Variants in PRR14 observed in about 807,000 individuals in gnomAD.
PRR14 encodes proline rich 14, also known as proline-rich protein 14.
Under a neutral mutation model 57.2 loss-of-function variants are expected in PRR14, and 33 were observed. The observed-to-expected ratio is 0.58, with a 90% CI of 0.44 to 0.77. PRR14 has a LOEUF of 0.77. PRR14 is among the 30% of genes least tolerant of loss of function. The probability of loss-of-function intolerance (pLI) is 0.00; values close to 1 mark genes in which losing one functional copy is unlikely to be tolerated. For missense variants in PRR14, 716 were observed against 788.1 expected (o/e 0.91, Z 1.10); for synonymous variants, 303 against 314.7 (o/e 0.96, Z 0.39).
At position 30,652,941 on chromosome 16, in the gene PRR14, C is replaced by A. The variant is rs759033419; in HGVS notation, c.342C>A (p.Arg114=). 4 of 1,614,020 alleles carry A rather than the reference C, an allele frequency of 2.5e-6. No homozygotes were observed. Among genetic ancestry groups the A allele is most frequent in the East Asian group, 4.5e-5 (2 of 44,886 alleles). ...ARPPDPLCLC[R]EPLSRIHRTS... Reference sequence around the variant, plus strand: ...CTCCCGACCCTCTGTGTTTGTGTCGCGAGCCCTTGAGCCGCATCCACCGGA... The same window carrying A: ...CTCCCGACCCTCTGTGTTTGTGTCGAGAGCCCTTGAGCCGCATCCACCGGA... Residue 114 remains arginine (R), a synonymous_variant, in exon 5 of 12, where the codon CGC becomes CGA. Coordinates refer to ENST00000300835, the MANE Select transcript of PRR14 (RefSeq NM_024031.5).
chr16:30,651,663 C>T lies in PRR14; in HGVS notation c.18C>T (p.Asp6=). The change falls in exon 2 of 12, where the codon GAC becomes GAT. Residue 6 remains aspartate, a synonymous_variant. Coordinates refer to ENST00000300835, the MANE Select transcript of PRR14 (RefSeq NM_024031.5). This position sits in a 1 kb window ranked among gnomAD's most constrained non-coding sequence, Gnocchi z 5.0. ...CGTCTCCCATGGACTTGCCCGGGGA[C>T]TCCAGGTGAGAGCGTACCCGGGCGG... MDLPG[D]SSPPGQPRLC... 6.2e-7 allele frequency: 1 copy of T among 1,611,228 alleles called. No homozygotes were observed. Among genetic ancestry groups the T allele is most frequent in the Non-Finnish European group, 8.5e-7 (1 of 1,179,294 alleles).
Position 30,651,409 on chromosome 16 carries a change from T to G in PRR14, c.-50-187T>G. The G allele has an allele frequency of 2.1e-6, 1 of 477,278 alleles. No homozygotes were observed. The highest frequency in any genetic ancestry group is 3.7e-6 in the Non-Finnish European group (1 of 270,968). 29.6% of individuals were successfully genotyped at this position (477,278 alleles called of 1,614,324 possible). A position where few individuals can be genotyped will look rare whatever the true frequency, so the allele number is the denominator to read the frequency against. ...CGGCAGGTGCCAGGCAGGGCGCGAG[T>G]GATCCGCTGATCGAGGCGGTGGCAG... On this transcript the variant is annotated intron_variant, in intron 1 of 11. Coordinates refer to ENST00000300835, the MANE Select transcript of PRR14 (RefSeq NM_024031.5). The surrounding 1 kb of genome is among the most constrained non-coding windows in gnomAD (Gnocchi z 5.0).
chr16:30,652,164 A>C, intron 3 of PRR14, 200 bp downstream of exon 3: 2 of 637,388 alleles, frequency 3.1e-6, no homozygotes, highest in Non-Finnish European at 5.5e-6. Context: ...CATTCCACCC[A>C]CCAACGATTT....
At chr16:30,656,006 C>G (rs770609103) in intron 11 of PRR14, 26 bp from the exon 12 acceptor site, 2 of 1,592,880 alleles carry the variant, frequency 1.3e-6, no homozygotes, top group South Asian at 2.3e-5. Flanking sequence ...CCTGATAAAA[C>G]CAGCTCCTCT....
intron 6 of PRR14, 106 bp from the exon 7 acceptor site, chr16:30,654,124 G>C (rs1219030612): frequency 2.6e-6 from 2 of 761,370 alleles, no homozygotes; most frequent in Non-Finnish European, 4.4e-6. Flanking sequence ...GCAAGGCTCT[G>C]TCTCAAAAAA....
chr16:30,655,490 C>T lies in PRR14; in HGVS notation c.1315-12C>T, dbSNP rs2052361040. 6.2e-7 allele frequency: 1 copy of T among 1,614,124 alleles called. No individual in the cohort carries two copies. The highest frequency in any genetic ancestry group is 8.5e-7 in the Non-Finnish European group (1 of 1,179,932). On this transcript the variant is annotated splice_polypyrimidine_tract_variant and intron_variant, in intron 9 of 11. Coordinates refer to ENST00000300835, the MANE Select transcript of PRR14 (RefSeq NM_024031.5). The surrounding 1 kb of genome is among the most constrained non-coding windows in gnomAD (Gnocchi z 4.6). ...CCATGTCACTCTTTCACCCTCTGCCCCATTTTTGCAGACCATGGGAAAGGT... is the reference window on the plus strand; with the variant it reads ...CCATGTCACTCTTTCACCCTCTGCCTCATTTTTGCAGACCATGGGAAAGGT...
intron 7 of PRR14, 72 bp downstream of exon 7, chr16:30,654,411 G>A: frequency 7.5e-7 from 1 of 1,332,342 alleles, no homozygotes; most frequent in Non-Finnish European, 1.1e-6. Context: ...GAAGTGTCAG[G>A]TACAGAGTTG....
In PRR14 at chr16:30,655,086, C is replaced by G. The variant is rs559944530; in HGVS notation, c.1116C>G (p.Ala372=). The G allele has an allele frequency of 6.2e-7, 1 of 1,611,816 alleles. No individual in the cohort carries two copies. The highest frequency in any genetic ancestry group is 1.3e-5 in the African/African-American group (1 of 75,038). The change falls in exon 8 of 12, where the codon GCC becomes GCG. Residue 372 remains alanine, a synonymous_variant. Coordinates refer to ENST00000300835, the MANE Select transcript of PRR14 (RefSeq NM_024031.5). The surrounding 1 kb of genome is among the most constrained non-coding windows in gnomAD (Gnocchi z 4.6). ...HTVGGGEMAR[A]PPPPRPCLRK... ...TGGGTGGTGGGGAAATGGCCCGAGC[C>G]CCGCCACCCCCTCGGCCCTGTCTCC...
intron 3 of PRR14, chr16:30,652,246 TA>T: frequency 1.7e-6 from 1 of 576,606 alleles, no homozygotes; most frequent in Non-Finnish European, 3.2e-6. Flanking sequence ...TTTTTTTTTT[TA>T]GAGACAGGGT....
chr16:30,654,177 T>C, intron 6 of PRR14, 53 bp from the exon 7 acceptor site: 1 of 1,255,814 alleles, frequency 8.0e-7, no homozygotes, highest in Non-Finnish European at 1.2e-6. Flanking sequence ...AGTTGCTGGC[T>C]CAGGTGGGAT....
Position 30,655,049 on chromosome 16 carries a change from G to A in PRR14, c.1079G>A (p.Arg360Gln), listed in dbSNP as rs767719573. The change falls in exon 8 of 12, where the codon CGG becomes CAG. Residue 360 changes from arginine to glutamine, a missense_variant. Physicochemically the swap from Arg to Gln is conservative, Grantham distance 43. Coordinates refer to ENST00000300835, the MANE Select transcript of PRR14 (RefSeq NM_024031.5). This position sits in a 1 kb window ranked among gnomAD's most constrained non-coding sequence, Gnocchi z 4.6. ...APPQPSRPRP[R>Q]RHTVGGGEMA... ...CCCCAACCAAGCCGACCACGGCCGC[G>A]GCGGCACACTGTGGGTGGTGGGGAA... 14 of 1,611,050 alleles carry A rather than the reference G, an allele frequency of 8.7e-6. No individual in the cohort carries two copies. The highest frequency in any genetic ancestry group is 6.7e-5 in the Admixed American group (4 of 59,978).
In PRR14 at chr16:30,653,107, T is replaced by A. The variant is rs2052330852; in HGVS notation, c.504+4T>A. 1.3e-6 allele frequency: 2 copies of A among 1,597,374 alleles called. No individual in the cohort carries two copies. The highest frequency in any genetic ancestry group is 2.7e-5 in the African/African-American group (2 of 74,466). Reference sequence around the variant, plus strand: ...CAGTCCTAGACCCCCCGCTGAGGTATGGGAACTGAGGGTACGGATGTCAAG... The same window carrying A: ...CAGTCCTAGACCCCCCGCTGAGGTAAGGGAACTGAGGGTACGGATGTCAAG... On this transcript the variant is annotated splice_donor_region_variant and intron_variant, in intron 5 of 11. Coordinates refer to ENST00000300835, the MANE Select transcript of PRR14 (RefSeq NM_024031.5).
Position 30,655,270 on chromosome 16 carries a change from T to G in PRR14, c.1244+56T>G. The G allele has an allele frequency of 1.9e-6, 3 of 1,602,176 alleles. No individual in the cohort carries two copies. Among genetic ancestry groups the G allele is most frequent in the Non-Finnish European group, 1.7e-6 (2 of 1,170,710 alleles). On this transcript the variant is annotated intron_variant, in intron 8 of 11. Transcript: ENST00000300835. This position sits in a 1 kb window ranked among gnomAD's most constrained non-coding sequence, Gnocchi z 4.6. Reference sequence around the variant, plus strand: ...TGGCTGCAGCCTGGTCCCAGCCTCCTTCCCTGAGTATCCAGTGGGCAGGAG... The same window carrying G: ...TGGCTGCAGCCTGGTCCCAGCCTCCGTCCCTGAGTATCCAGTGGGCAGGAG...
At position 30,651,783 on chromosome 16, in the gene PRR14, T is replaced by C; in HGVS notation, c.24-13T>C. ...GGTTCGGGCGACCGTCCTCTGCTTC[T>C]TTCACCCTCCAGCCCGCCTGGCCAG... On this transcript the variant is annotated splice_polypyrimidine_tract_variant and intron_variant, in intron 2 of 11. Transcript: ENST00000300835. The surrounding 1 kb of genome is among the most constrained non-coding windows in gnomAD (Gnocchi z 5.0). 1.2e-6 allele frequency: 2 copies of C among 1,607,456 alleles called. No homozygotes were observed. Among genetic ancestry groups the C allele is most frequent in the African/African-American group, 1.3e-5 (1 of 75,014 alleles).
At position 30,651,486 on chromosome 16, in the gene PRR14, A is replaced by T. The variant is rs1217356000; in HGVS notation, c.-50-110A>T. ...GGCCGGGGGCGCCCTTTCGCGCCCC[A>T]GGGCTGCGGCCGCTGGGCTACGGGG... On this transcript the variant is annotated intron_variant, in intron 1 of 11. Coordinates refer to ENST00000300835, the MANE Select transcript of PRR14 (RefSeq NM_024031.5). This position sits in a 1 kb window ranked among gnomAD's most constrained non-coding sequence, Gnocchi z 5.0. The T allele has an allele frequency of 5.5e-6, 3 of 545,240 alleles. No homozygotes were observed. Among genetic ancestry groups the T allele is most frequent in the Admixed American group, 3.8e-5 (1 of 25,982 alleles). The allele number at this position is 545,240 out of a possible 1,614,324, so 33.8% of individuals were successfully genotyped here. A position where few individuals can be genotyped will look rare whatever the true frequency, so the allele number is the denominator to read the frequency against.
At chr16:30,652,203 G>A in intron 3 of PRR14, 1 of 649,366 alleles carries the variant, frequency 1.5e-6, no homozygotes, top group Non-Finnish European at 2.8e-6. Flanking sequence ...CTGTAACTCT[G>A]AGAAACTCTT....
In PRR14 at chr16:30,651,877, G is replaced by A. The variant is rs1010315810; in HGVS notation, c.105G>A (p.Leu35=). 3.1e-6 allele frequency: 5 copies of A among 1,606,842 alleles called. No homozygotes were observed. The highest frequency in any genetic ancestry group is 3.3e-4 in the Middle Eastern group (2 of 6,012). Residue 35 remains leucine (L), a synonymous_variant, in exon 3 of 12, where the codon CTG becomes CTA. Transcript: ENST00000300835. The surrounding 1 kb of genome is among the most constrained non-coding windows in gnomAD (Gnocchi z 5.0). The stretch of plus-strand genomic sequence containing the variant: ...CCAGGAGCCCGAAACGGCCGAGGCT[G>A]CAGCTCCCGGGGGCCCCTTCTCCCC... The part of the protein sequence containing the change: ...WGARSPKRPR[L]QLPGAPSPLE...
Position 30,652,855 on chromosome 16 carries a change from G to A in PRR14, c.314+13G>A, listed in dbSNP as rs1387011642. The A allele has an allele frequency of 1.2e-6, 2 of 1,613,986 alleles. No homozygotes were observed. The highest frequency in any genetic ancestry group is 1.7e-5 in the Admixed American group (1 of 59,990). On this transcript the variant is annotated intron_variant, in intron 4 of 11. Transcript: ENST00000300835. ...CCTCGCAGGCCAGGTGAGCATGGCA[G>A]GATGGGGGTAAGCCGAGGGCCCAGC...
At position 30,651,036 on chromosome 16, in the gene PRR14, C is replaced by G. The variant is rs1182742485; in HGVS notation, c.-142C>G. On this transcript the variant is annotated 5_prime_UTR_variant, in exon 1 of 12. Coordinates refer to ENST00000300835, the MANE Select transcript of PRR14 (RefSeq NM_024031.5). This position sits in a 1 kb window ranked among gnomAD's most constrained non-coding sequence, Gnocchi z 5.0. ...CGCTGAGTTCGGAGATGCTCCAGCT[C>G]GGGCCGCCCCTGTCTGAGCGGAGCT... The G allele has an allele frequency of 6.6e-6, 3 of 456,406 alleles. No individual in the cohort carries two copies. The highest frequency in any genetic ancestry group is 7.0e-5 in the East Asian group (1 of 14,382). The allele number at this position is 456,406 out of a possible 1,614,324, so 28.3% of individuals were successfully genotyped here.
Sources: allele counts gnomAD v4.1 joint callset, GRCh38; gene constraint gnomAD v4.1.1; non-coding constraint Gnocchi (gnomAD v3.1); transcripts MANE v1.5; gene names NCBI Gene and HGNC (gene_info 2026-07-23, HGNC 2026-07-21).